The following TRMT11 variants were observed in gnomAD, a reference collection of about 807,000 sequenced individuals.
The protein encoded by TRMT11 is tRNA (guanine(10)-N(2))-methyltransferase TRMT11.
TRMT11 carries 53 observed loss-of-function variants against 62.8 expected under a neutral mutation model. The ratio of observed to expected loss-of-function variants is 0.84; its 90% CI spans 0.68 to 1.06. TRMT11 has a LOEUF of 1.06. TRMT11 is among the 50% of genes least tolerant of loss of function. The pLI, the probability that TRMT11 is intolerant of heterozygous loss-of-function variation, is 0.00. For missense variants in TRMT11, 556 were observed against 553.4 expected (o/e 1.00, Z -0.05); for synonymous variants, 188 against 190.3 (o/e 0.99, Z 0.10).
At chr6:126,182,538 G>A (rs1778479320) in intron 1 of TRMT11, among the ~76,000 whole-genome samples, 1 of 151,708 alleles carries the variant, frequency 6.6e-6, no homozygotes, top group Non-Finnish European at 1.5e-5. Context: ...TTCCCTTATG[G>A]GGTCTGTGCT....
intron 16 of TRMT11, among the ~76,000 whole-genome samples, chr6:126,052,113 A>T (rs1776237311): frequency 6.6e-6 from 1 of 152,206 alleles, no homozygotes; most frequent in African/African-American, 2.4e-5. Context: ...AAATTTCTCC[A>T]CTGTGCCACT....
At chr6:126,053,129 G>C (rs187376011) in exon 17 of TRMT11, among the ~76,000 whole-genome samples, 1 of 152,076 alleles carries the variant, frequency 6.6e-6, no homozygotes, top group Non-Finnish European at 1.5e-5. Context: ...CAAGGAATTA[G>C]ACATAGTCCT....
At chr6:126,271,363 CAA>C in the TRMT11 span, among the ~76,000 whole-genome samples, 535 of 36,176 alleles carry the variant, frequency 0.015, 1 homozygote, top group Non-Finnish European at 0.02. Flanking sequence ...GACTCCATCT[CAA>C]AAAAAAAAAA....
At chr6:126,248,982 C>T in the TRMT11 span, among the ~76,000 whole-genome samples, 4 of 152,028 alleles carry the variant, frequency 2.6e-5, no homozygotes, top group African/African-American at 9.7e-5. Context: ...CTTTTGTAAT[C>T]TATCCAAGGG....
intron 12 of TRMT11, among the ~76,000 whole-genome samples, chr6:126,022,597 A>G (rs1795991493): frequency 1.3e-5 from 2 of 152,180 alleles, no homozygotes; most frequent in Admixed American, 1.3e-4. Flanking sequence ...TATATGTTGA[A>G]TGAATCTTCC....
At chr6:126,070,405 C>T (rs1456668193) in intron 17 of TRMT11, among the ~76,000 whole-genome samples, 2 of 152,172 alleles carry the variant, frequency 1.3e-5, no homozygotes, top group Admixed American at 6.5e-5. Context: ...ATTTCTCTTT[C>T]TCCAAACTTG....
chr6:126,247,708 T>G, the TRMT11 span, among the ~76,000 whole-genome samples: 1 of 151,110 alleles, frequency 6.6e-6, no homozygotes, highest in South Asian at 2.1e-4. Context: ...CTCTTAGAAA[T>G]TGGGATAAAA....
rs770586979 is a variant in TRMT11 at position 125,998,249 on chromosome 6, A to G, written c.321A>G (p.Thr107=). 2 of 1,600,944 alleles carry G rather than the reference A, an allele frequency of 1.2e-6. No homozygotes were observed. The highest frequency in any genetic ancestry group is 2.2e-5 in the South Asian group (2 of 90,502). ...KMVPFLHSDS[T]YKIKIHTFNK... ...TTCCATTTCTACATTCGGACTCTAC[A>G]TATAAAATAAAGATTCACACTTTTA... Residue 107 remains threonine, a synonymous_variant, in exon 5 of 13, where the codon ACA becomes ACG. Coordinates refer to ENST00000334379, the MANE Select transcript of TRMT11 (RefSeq NM_001031712.3).
the TRMT11 span, among the ~76,000 whole-genome samples, chr6:126,256,548 CT>C: frequency 3.9e-5 from 6 of 152,168 alleles, no homozygotes; most frequent in African/African-American, 1.4e-4. Context: ...TCCTATCCCT[CT>C]GAAGACCTGT....
chr6:126,145,553 C>T (rs1173786311), intron 21 of TRMT11, among the ~76,000 whole-genome samples: 3 of 152,108 alleles, frequency 2.0e-5, no homozygotes, highest in Non-Finnish European at 2.9e-5. Context: ...CACTGCTGCT[C>T]CTCCTGCCAG....
At chr6:126,151,652 A>G (rs1244785078) in intron 21 of TRMT11, among the ~76,000 whole-genome samples, 3 of 151,776 alleles carry the variant, frequency 2.0e-5, no homozygotes, top group Admixed American at 6.6e-5. Flanking sequence ...CCCATCACCA[A>G]TTTCTTGACA....
chr6:126,264,522 T>C, the TRMT11 span, among the ~76,000 whole-genome samples: 38,474 of 152,148 alleles, frequency 0.25, 5,569 homozygotes, highest in East Asian at 0.53. Flanking sequence ...TATGTGTCAA[T>C]TTAGCTGGGC....
In TRMT11 at chr6:126,071,228, TG is replaced by T. The variant is rs202008387; in HGVS notation, c.*1437+18043del. ...ATGCAGCCCTGTTTCCTTGGGGGGG[TG>T]GGGGTGCTTCTTTTGGATGCTGATA... is the stretch of plus-strand genomic sequence containing the variant. On this transcript the variant is annotated intron_variant and NMD_transcript_variant, in intron 17 of 22. Coordinates refer to the TRMT11 transcript ENST00000648977. Among the ~76,000 whole-genome samples the T allele has an allele frequency of 7.0e-3, 1,058 of 151,642 alleles. 11 individuals carry two copies. The highest frequency in any genetic ancestry group is 0.024 in the African/African-American group (1,010 of 41,330).
the TRMT11 span, among the ~76,000 whole-genome samples, chr6:126,237,770 T>A: frequency 1.3e-5 from 2 of 152,144 alleles, no homozygotes; most frequent in Admixed American, 6.6e-5. Context: ...ACAGGGAAGA[T>A]TATCTGCTCA....
the TRMT11 span, among the ~76,000 whole-genome samples, chr6:126,250,467 T>G: frequency 6.6e-6 from 1 of 152,184 alleles, no homozygotes; most frequent in Non-Finnish European, 1.5e-5. Context: ...GTGTCATATC[T>G]TATAAATGAA....
chr6:126,114,654 T>C (rs1210749612), intron 18 of TRMT11, among the ~76,000 whole-genome samples: 1 of 152,134 alleles, frequency 6.6e-6, no homozygotes, highest in Non-Finnish European at 1.5e-5. Context: ...ATGAGGTCTT[T>C]TCTGTCTTTC....
intron 21 of TRMT11, among the ~76,000 whole-genome samples, chr6:126,149,361 A>G (rs1317218222): frequency 1.3e-5 from 2 of 152,230 alleles, no homozygotes; most frequent in Non-Finnish European, 2.9e-5. Flanking sequence ...TTGATAAGGA[A>G]CATTCTCTTT....
intron 17 of TRMT11, among the ~76,000 whole-genome samples, chr6:126,066,947 G>A (rs1001067130): frequency 5.3e-5 from 8 of 151,836 alleles, no homozygotes; most frequent in Non-Finnish European, 8.8e-5. Flanking sequence ...AATAAGGGCC[G>A]GGCACAGTGG....
chr6:126,150,181 G>A (rs950379597), intron 21 of TRMT11, among the ~76,000 whole-genome samples: 4 of 152,070 alleles, frequency 2.6e-5, no homozygotes, highest in African/African-American at 9.7e-5. Flanking sequence ...ATAGGAAGAG[G>A]AAGAGAGACC....
Sources: allele counts gnomAD v4.1 joint callset (sites outside exome capture counted in the v4.1 genomes callset), GRCh38; gene constraint gnomAD v4.1.1; transcripts MANE v1.5; gene names NCBI Gene and HGNC (gene_info 2026-07-23, HGNC 2026-07-21).